Variants in TTBK2 observed in about 807,000 individuals in gnomAD.
TTBK2 encodes the protein tau tubulin kinase 2.
A neutral mutation model predicts 110.8 loss-of-function variants in TTBK2; 28 were observed. The observed-to-expected ratio is 0.25, with a 90% CI of 0.19 to 0.35. The LOEUF is 0.35. Among genes scored for constraint, TTBK2 ranks in the 10% least tolerant of loss-of-function variants. TTBK2 has a pLI of 1.00. For missense variants in TTBK2, 1,369 were observed against 1,500.3 expected, an observed-to-expected ratio of 0.91 and a Z score of 1.45; for synonymous variants, 532 against 527.3, an observed-to-expected ratio of 1.01 and a Z score of -0.12.
intron 10 of TTBK2, among the ~76,000 whole-genome samples, chr15:42,787,646 T>A (rs1427619054): frequency 6.6e-6 from 1 of 152,238 alleles, no homozygotes; most frequent in African/African-American, 2.4e-5. Flanking sequence ...ATTGTCAACA[T>A]AAGTATCATC....
intron 3 of TTBK2, among the ~76,000 whole-genome samples, chr15:42,868,519 T>G (rs1894475823): frequency 6.6e-6 from 1 of 152,084 alleles, no homozygotes; most frequent in Non-Finnish European, 1.5e-5. Flanking sequence ...CTGCTCTTTT[T>G]AAAAAAGTCT....
Position 42,793,838 on chromosome 15 carries a change from TA to T in TTBK2, c.980+805del, listed in dbSNP as rs1174807124. On this transcript the variant is annotated intron_variant, in intron 10 of 14. Transcript: ENST00000267890. ...GGCAACAAGAATGAAACTCCATGTT[TA>T]AAAAAAAAAAAAATAAAAGCAATGG... is the stretch of plus-strand genomic sequence containing the variant. 2.8e-3 allele frequency among the ~76,000 whole-genome samples: 401 copies of T among 142,744 alleles called. 1 individual carries two copies. The highest frequency in any genetic ancestry group is 3.0e-3 in the East Asian group (15 of 4,980). The allele number at this position is 142,744 out of a possible 152,430, so 93.6% of individuals were successfully genotyped here. A position where few individuals can be genotyped will look rare whatever the true frequency, so the allele number is the denominator to read the frequency against.
At chr15:42,916,609 G>C (rs1021925251) in intron 1 of TTBK2, among the ~76,000 whole-genome samples, 2 of 152,200 alleles carry the variant, frequency 1.3e-5, no homozygotes, top group Non-Finnish European at 2.9e-5. Context: ...AGGATTACAC[G>C]TGTGAGCCAC....
At chr15:42,883,452 C>T (rs1216118809) in intron 1 of TTBK2, among the ~76,000 whole-genome samples, 1 of 150,416 alleles carries the variant, frequency 6.6e-6, no homozygotes, top group Non-Finnish European at 1.5e-5. Context: ...TAGGTTTCTG[C>T]GTTATTTTAG....
rs375035687 is a variant in TTBK2 at position 42,775,580 on chromosome 15, G to C, written c.1553C>G (p.Pro518Arg). Residue 518 changes from proline (P) to arginine (R), a missense_variant, in exon 13 of 15, where the codon CCT (proline) becomes CGT (arginine). By Grantham distance (103) the Pro-to-Arg change is moderately radical (BLOSUM62 -2). Coordinates refer to ENST00000267890, the MANE Select transcript of TTBK2 (RefSeq NM_173500.4). ...DEEYLPDASK[P>R]ASANTPEQAD... is the part of the protein sequence containing the mutation. ...CTGCTCAGGGGTGTTGGCAGAAGCA[G>C]GCTTGGAGGCATCTGGAAGATATTC... 1 of 1,614,058 alleles carries C rather than the reference G, an allele frequency of 6.2e-7. No homozygotes were observed. Among genetic ancestry groups the C allele is most frequent in the African/African-American group, 1.3e-5 (1 of 74,918 alleles).
At chr15:42,756,455 G>A (rs1324636379) in intron 13 of TTBK2, among the ~76,000 whole-genome samples, 2 of 151,676 alleles carry the variant, frequency 1.3e-5, no homozygotes, top group Non-Finnish European at 2.9e-5. Flanking sequence ...GGGTGATGGC[G>A]GGTGCCTGTA....
chr15:42,753,277 C>A (rs779526746), intron 13 of TTBK2, 30 bp from the exon 14 acceptor site: 17 of 1,594,932 alleles, frequency 1.1e-5, no homozygotes, highest in Non-Finnish European at 1.4e-5. Context: ...AATTAAAATG[C>A]AATTATGTAA....
In TTBK2 at chr15:42,801,975, G is replaced by GT. The variant is rs1346175033; in HGVS notation, c.823-7175dup. On this transcript the variant is annotated intron_variant, in intron 9 of 14. Coordinates refer to ENST00000267890, the MANE Select transcript of TTBK2 (RefSeq NM_173500.4). ...CCAGAGTCTCCAGCTGCCACTTAAG[G>GT]TTGTTGATGTAGCTCTCGAACATGT... 1.9e-6 allele frequency: 3 copies of GT among 1,560,238 alleles called. No individual in the cohort carries two copies. The East Asian group carries it at 6.7e-5, about 35-fold the overall frequency.
intron 4 of TTBK2, among the ~76,000 whole-genome samples, chr15:42,831,897 T>A (rs1341847539): frequency 6.6e-6 from 1 of 152,162 alleles, no homozygotes; most frequent in East Asian, 1.9e-4. Flanking sequence ...ACTAATATCA[T>A]CACTTCATCT....
chr15:42,838,355 T>G (rs1036278017), intron 4 of TTBK2, among the ~76,000 whole-genome samples: 11 of 139,440 alleles, frequency 7.9e-5, no homozygotes, highest in Admixed American at 3.5e-4. Context: ...TAATTCAGGG[T>G]GTGTGTGTGT....
In TTBK2 at chr15:42,790,803, A is replaced by G. The variant is rs377376222; in HGVS notation, c.980+3841T>C. 2.8e-4 allele frequency among the ~76,000 whole-genome samples: 42 copies of G among 150,434 alleles called. 1 individual carries two copies. In the East Asian group the frequency reaches 7.0e-3, roughly 25 times the overall value. ...CAACCTCTGCCTCACAGGTTCAAGC[A>G]ATTCTCCTGCCTCAGCCTCCGGAGT... On this transcript the variant is annotated intron_variant, in intron 10 of 14. Coordinates refer to ENST00000267890, the MANE Select transcript of TTBK2 (RefSeq NM_173500.4).
intron 13 of TTBK2, among the ~76,000 whole-genome samples, chr15:42,761,661 A>G (rs1453908217): frequency 6.6e-6 from 1 of 152,196 alleles, no homozygotes; most frequent in Non-Finnish European, 1.5e-5. Flanking sequence ...TCAAAAGAAG[A>G]TATAGAAATG....
chr15:42,845,207 T>C (rs1180410033), intron 3 of TTBK2, among the ~76,000 whole-genome samples: 1 of 152,122 alleles, frequency 6.6e-6, no homozygotes, highest in African/African-American at 2.4e-5. Context: ...GAGGACTTGA[T>C]ACGAGTTAAG....
chr15:42,824,974 C>T (rs943802850), intron 6 of TTBK2, among the ~76,000 whole-genome samples: 5 of 151,988 alleles, frequency 3.3e-5, no homozygotes, highest in East Asian at 1.9e-4. Flanking sequence ...AGGCCAGGTA[C>T]GGTGGCTCAC....
chr15:42,865,540 G>A (rs1894340168), intron 3 of TTBK2, among the ~76,000 whole-genome samples: 1 of 150,592 alleles, frequency 6.6e-6, no homozygotes, highest in East Asian at 1.9e-4. Context: ...CCAACAACAG[G>A]CTGGGCACAG....
chr15:42,739,933 T>A lies in TTBK2; in HGVS notation c.*5862A>T, dbSNP rs866515700. 6.6e-6 allele frequency: 1 copy of A among 152,214 alleles called. No individual in the cohort carries two copies. The highest frequency in any genetic ancestry group is 1.5e-5 in the Non-Finnish European group (1 of 68,042). 9.4% of individuals were successfully genotyped at this position (152,214 alleles called of 1,614,324 possible). On this transcript the variant is annotated 3_prime_UTR_variant, in exon 15 of 15. Coordinates refer to ENST00000267890, the MANE Select transcript of TTBK2 (RefSeq NM_173500.4). ...AAAGAGCATCATATGGCAAGGGTAG[T>A]CTATATAAAAACTTGGTTTACTCAA... is the stretch of plus-strand genomic sequence containing the variant.
At chr15:42,808,958 T>C in intron 9 of TTBK2, among the ~76,000 whole-genome samples, 1 of 152,232 alleles carries the variant, frequency 6.6e-6, no homozygotes, top group African/African-American at 2.4e-5. Context: ...ACAGCATGAA[T>C]TCACGAGACC....
chr15:42,881,282 C>CAAAA (rs10717895), intron 1 of TTBK2, among the ~76,000 whole-genome samples: 33 of 43,430 alleles, frequency 7.6e-4, no homozygotes, highest in South Asian at 1.0e-3. Flanking sequence ...GCTTCCGTCT[C>CAAAA]AAAAAAAAAA....
At chr15:42,910,294 TGAGTTGAGCATGAAGCA>T (rs2030672840) in intron 1 of TTBK2, among the ~76,000 whole-genome samples, 1 of 149,670 alleles carries the variant, frequency 6.7e-6, no homozygotes, top group South Asian at 2.1e-4. Flanking sequence ...AGCTAACCTG[TGAGTTGAGCATGAAGCA>T]GAAATATAGG....
Sources: allele counts gnomAD v4.1 joint callset (sites outside exome capture counted in the v4.1 genomes callset), GRCh38; gene constraint gnomAD v4.1.1; transcripts MANE v1.5; gene names NCBI Gene and HGNC (gene_info 2026-07-23, HGNC 2026-07-21).